The following EEFSEC variants were observed in gnomAD, a reference collection of about 807,000 sequenced individuals.
EEFSEC encodes selenocysteine-specific elongation factor.
Under a neutral mutation model 42.1 loss-of-function variants are expected in EEFSEC, and 43 were observed. The observed-to-expected ratio is 1.02, with a 90% CI of 0.80 to 1.32. The LOEUF (loss-of-function observed/expected upper bound fraction) is 1.32. EEFSEC is among the 40% of genes most tolerant of loss of function. The pLI is 0.00. For synonymous variants in EEFSEC, 354 were observed against 339.1 expected (o/e 1.04, Z -0.48); for missense variants, 745 against 803.6 (o/e 0.93, Z 0.88).
intron 6 of EEFSEC, among the ~76,000 whole-genome samples, chr3:128,376,625 T>C (rs1166970595): frequency 6.6e-6 from 1 of 152,116 alleles, no homozygotes; most frequent in Non-Finnish European, 1.5e-5. Context: ...TTGAAAACTG[T>C]TCCTCTCCCC....
chr3:128,328,803 G>A (rs535706476), intron 4 of EEFSEC, among the ~76,000 whole-genome samples: 6 of 152,144 alleles, frequency 3.9e-5, no homozygotes, highest in Non-Finnish European at 8.8e-5. Context: ...CGTTTTACAG[G>A]GATTAACAAT....
At chr3:128,392,476 C>T (rs1258846984) in intron 6 of EEFSEC, among the ~76,000 whole-genome samples, 2 of 152,226 alleles carry the variant, frequency 1.3e-5, no homozygotes, top group African/African-American at 4.8e-5. Flanking sequence ...ACCCAGGGTA[C>T]CTCAGCTCAC....
chr3:128,223,627 C>T (rs755787420), intron 1 of EEFSEC, among the ~76,000 whole-genome samples: 10 of 152,132 alleles, frequency 6.6e-5, no homozygotes, highest in Non-Finnish European at 7.3e-5. Flanking sequence ...CTTTAAGTAA[C>T]GTTGACACCA....
In EEFSEC at chr3:128,358,277, C is replaced by T. The variant is rs751232322; in HGVS notation, c.1504C>T (p.Leu502Phe). 1.5e-5 allele frequency: 24 copies of T among 1,614,124 alleles called. No individual in the cohort carries two copies. Among genetic ancestry groups the T allele is most frequent in the Non-Finnish European group, 1.8e-5 (21 of 1,180,058 alleles). ...GTTCAAAAAGGAAACCAACATCCAG[C>T]TCTTCGTGGGGCTCAAGGTGCACTT... ...SLFKKETNIQ[L>F]FVGLKVHLST... The change falls in exon 6 of 7, where the codon CTC (leucine) becomes TTC (phenylalanine). Residue 502 changes from leucine to phenylalanine, a missense_variant. Coordinates refer to ENST00000254730, the MANE Select transcript of EEFSEC (RefSeq NM_021937.5).
chr3:128,171,883 AT>A (rs569865226), intron 1 of EEFSEC, among the ~76,000 whole-genome samples: 165 of 152,326 alleles, frequency 1.1e-3, no homozygotes, highest in African/African-American at 3.8e-3. Flanking sequence ...CAACAAAAAA[AT>A]GATATGTTTA....
intron 4 of EEFSEC, among the ~76,000 whole-genome samples, chr3:128,267,104 T>C (rs146587090): frequency 2.0e-5 from 3 of 152,036 alleles, no homozygotes; most frequent in Non-Finnish European, 4.4e-5. Context: ...AGACTTTGAA[T>C]TGGGGGTACC....
chr3:128,381,135 G>A (rs1576687149), intron 6 of EEFSEC, among the ~76,000 whole-genome samples: 1 of 152,174 alleles, frequency 6.6e-6, no homozygotes, highest in East Asian at 1.9e-4. Flanking sequence ...TAGTTGGAAA[G>A]CCAGGCCCCT....
intron 1 of EEFSEC, among the ~76,000 whole-genome samples, chr3:128,192,430 C>A (rs1279128913): frequency 2.0e-5 from 3 of 152,200 alleles, no homozygotes; most frequent in Non-Finnish European, 4.4e-5. Flanking sequence ...CTGTGGGGTT[C>A]CGAGCTGGGC....
At chr3:128,413,679 G>C in the EEFSEC span, among the ~76,000 whole-genome samples, 1 of 152,202 alleles carries the variant, frequency 6.6e-6, no homozygotes, top group Non-Finnish European at 1.5e-5. Context: ...CACAGCCACA[G>C]GTGAGGCCTC....
intron 6 of EEFSEC, 106 bp downstream of exon 6, chr3:128,358,479 C>G: frequency 1.3e-6 from 2 of 1,494,294 alleles, no homozygotes. Flanking sequence ...CCTAATCCTG[C>G]CTTTGCCGAG....
chr3:128,327,440 A>G lies in EEFSEC; in HGVS notation c.787-13793A>G, dbSNP rs183329783. 7.0e-4 allele frequency among the ~76,000 whole-genome samples: 107 copies of G among 152,262 alleles called. No homozygotes were observed. The South Asian group carries it at 1.0e-2, about 14-fold the overall frequency. ...AATATGAATACACATCATATTCTAAATATACTTTATACATCTGTCTCCCCA... is the reference window on the plus strand; with the variant it reads ...AATATGAATACACATCATATTCTAAGTATACTTTATACATCTGTCTCCCCA... On this transcript the variant is annotated intron_variant, in intron 4 of 6. Transcript: ENST00000254730.
intron 4 of EEFSEC, among the ~76,000 whole-genome samples, chr3:128,324,581 A>G (rs1431746580): frequency 6.6e-6 from 1 of 152,218 alleles, no homozygotes; most frequent in East Asian, 1.9e-4. Flanking sequence ...AGAGAGATCC[A>G]GGAGGGGAAA....
intron 6 of EEFSEC, chr3:128,362,335 G>A: frequency 4.3e-6 from 2 of 469,850 alleles, no homozygotes; most frequent in Non-Finnish European, 8.8e-6. Flanking sequence ...GAAGAATCAT[G>A]TGAGAAGCTG....
intron 1 of EEFSEC, among the ~76,000 whole-genome samples, chr3:128,184,644 A>G (rs1203389176): frequency 6.6e-6 from 1 of 152,086 alleles, no homozygotes; most frequent in Non-Finnish European, 1.5e-5. Flanking sequence ...CTTAACGTGT[A>G]TTTTTCAAGT....
At chr3:128,275,909 G>T (rs1375731700) in intron 4 of EEFSEC, among the ~76,000 whole-genome samples, 7 of 152,190 alleles carry the variant, frequency 4.6e-5, no homozygotes, top group African/African-American at 1.4e-4. Flanking sequence ...GGTCCTGTAG[G>T]CCACGCCTTG....
chr3:128,329,402 A>G (rs1292352203), intron 4 of EEFSEC, among the ~76,000 whole-genome samples: 1 of 147,218 alleles, frequency 6.8e-6, no homozygotes, highest in Admixed American at 6.7e-5. Context: ...GATTAGTGCC[A>G]CCCAGCCCCA....
intron 4 of EEFSEC, among the ~76,000 whole-genome samples, chr3:128,293,687 A>AAAAAAAAAAAAAAAAAAAT (rs1559906687): frequency 6.8e-6 from 1 of 147,602 alleles, no homozygotes; most frequent in Admixed American, 6.7e-5. Flanking sequence ...AAAAAAAAAA[A>AAAAAAAAAAAAAAAAAAAT]CTTCCCTTAT....
chr3:128,282,965 G>A (rs1007463218), intron 4 of EEFSEC, among the ~76,000 whole-genome samples: 1 of 152,258 alleles, frequency 6.6e-6, no homozygotes, highest in Non-Finnish European at 1.5e-5. Context: ...CTACAACTGT[G>A]CCTCCCTTTT....
At chr3:128,193,453 C>T (rs534915689) in intron 1 of EEFSEC, among the ~76,000 whole-genome samples, 2 of 152,222 alleles carry the variant, frequency 1.3e-5, no homozygotes, top group South Asian at 4.1e-4. Context: ...CTGCCTGTAG[C>T]CTGACTATTG....
Sources: gnomAD v4.1 joint callset for allele counts (sites outside exome capture counted in the v4.1 genomes callset) on GRCh38, gnomAD v4.1.1 for gene constraint, MANE v1.5 for transcripts, NCBI Gene and HGNC (gene_info 2026-07-23, HGNC 2026-07-21) for gene names.